PDCD10: variants seen among roughly 807,000 people sequenced by gnomAD.
PDCD10 encodes the protein programmed cell death 10.
In PDCD10, 4 loss-of-function variants were observed where a neutral mutation model predicts 29.2. That is an observed-to-expected ratio of 0.14 (90% CI 0.07 to 0.31). The LOEUF (loss-of-function observed/expected upper bound fraction) is 0.31, where lower values mean the gene tolerates loss of function less well. Ranked by LOEUF, PDCD10 falls within the 10% of genes least tolerant of loss-of-function variation. The probability of loss-of-function intolerance (pLI) is 1.00; values close to 1 mark genes in which losing one functional copy is unlikely to be tolerated. For missense variants in PDCD10, 183 were observed against 257.9 expected (o/e 0.71, Z 1.99); for synonymous variants, 70 against 82.2 (o/e 0.85, Z 0.80).
chr3:167,708,950 ACT>A (rs1188319417), intron 3 of PDCD10, among the ~76,000 whole-genome samples: 2 of 152,048 alleles, frequency 1.3e-5, no homozygotes, highest in Admixed American at 1.3e-4. Flanking sequence ...GAAGTACACC[ACT>A]GTTTATCCCC....
At chr3:167,729,376 C>G (rs1724553328) in intron 2 of PDCD10, among the ~76,000 whole-genome samples, 1 of 152,152 alleles carries the variant, frequency 6.6e-6, no homozygotes, top group Non-Finnish European at 1.5e-5. Context: ...CATAACTGCT[C>G]TGTAACTACA....
chr3:167,700,286 A>T (rs1275186566), intron 4 of PDCD10, among the ~76,000 whole-genome samples: 1 of 152,172 alleles, frequency 6.6e-6, no homozygotes, highest in African/African-American at 2.4e-5. Context: ...ATCCCAGTAC[A>T]AAGTAATACC....
chr3:167,696,596 C>T (rs1720835931), intron 5 of PDCD10, among the ~76,000 whole-genome samples: 1 of 152,106 alleles, frequency 6.6e-6, no homozygotes, highest in Non-Finnish European at 1.5e-5. Flanking sequence ...ATATTATTCT[C>T]TTAAATCTGT....
chr3:167,718,966 T>C (rs1283783172), intron 3 of PDCD10, among the ~76,000 whole-genome samples: 1 of 152,066 alleles, frequency 6.6e-6, no homozygotes, highest in African/African-American at 2.4e-5. Context: ...ACTTGAGAGA[T>C]AGTGTTTGAA....
At chr3:167,692,454 G>A (rs775931031) in intron 6 of PDCD10, among the ~76,000 whole-genome samples, 5 of 152,084 alleles carry the variant, frequency 3.3e-5, no homozygotes, top group Admixed American at 6.6e-5. Flanking sequence ...GTCATGTCAC[G>A]GTGCTCAAAA....
At chr3:167,714,050 C>A (rs894141011) in intron 3 of PDCD10, among the ~76,000 whole-genome samples, 6 of 151,976 alleles carry the variant, frequency 3.9e-5, no homozygotes, top group African/African-American at 1.4e-4. Flanking sequence ...ACTCATTTTA[C>A]AAAGCCAGTA....
intron 4 of PDCD10, among the ~76,000 whole-genome samples, chr3:167,701,469 C>T (rs1251369136): frequency 6.6e-6 from 1 of 152,216 alleles, no homozygotes; most frequent in Non-Finnish European, 1.5e-5. Context: ...GCTAGGATTA[C>T]AAGGCATGGG....
chr3:167,722,678 T>C (rs527274604), intron 2 of PDCD10, among the ~76,000 whole-genome samples: 1 of 152,240 alleles, frequency 6.6e-6, no homozygotes, highest in South Asian at 2.1e-4. Flanking sequence ...ATGAGAAAAG[T>C]AAGCACAATG....
chr3:167,710,898 C>G (rs1722457984), intron 3 of PDCD10, among the ~76,000 whole-genome samples: 2 of 152,170 alleles, frequency 1.3e-5, no homozygotes, highest in African/African-American at 4.8e-5. Flanking sequence ...GGAAAGAGAA[C>G]AAGACCCTCT....
At chr3:167,698,580 G>A (rs1018581456) in intron 4 of PDCD10, among the ~76,000 whole-genome samples, 1 of 152,044 alleles carries the variant, frequency 6.6e-6, no homozygotes, top group South Asian at 2.1e-4. Context: ...TAAAAAAGGA[G>A]TTTCCTTTAT....
intron 4 of PDCD10, among the ~76,000 whole-genome samples, chr3:167,700,414 G>C (rs1721277008): frequency 6.6e-6 from 1 of 151,684 alleles, no homozygotes; most frequent in South Asian, 2.1e-4. Context: ...AAGAAGCAAA[G>C]TCATGACATT....
At chr3:167,718,901 T>A (rs1404474968) in intron 3 of PDCD10, among the ~76,000 whole-genome samples, 2 of 152,002 alleles carry the variant, frequency 1.3e-5, no homozygotes, top group East Asian at 1.9e-4. Flanking sequence ...GAGAAATAAA[T>A]TTTTATCCAA....
In PDCD10 at chr3:167,684,387, G is replaced by A. The variant is rs772305963; in HGVS notation, c.560C>T (p.Ala187Val). The change falls in exon 9 of 9, where the codon GCA becomes GTA. Residue 187 changes from alanine to valine, a missense_variant and splice_region_variant. Coordinates refer to ENST00000392750, the MANE Select transcript of PDCD10 (RefSeq NM_007217.4). ...GTTGGCACTTACGAACACATTTATT[G>A]CCCTGTTTAAAAAGAAAAGAATAAG... ...TLKTYFKDGK[A>V]INVFVSANRL... The A allele has an allele frequency of 1.3e-6, 2 of 1,581,380 alleles. No individual in the cohort carries two copies. The highest frequency in any genetic ancestry group is 1.1e-5 in the South Asian group (1 of 90,428).
chr3:167,720,584 T>C (rs573955626), intron 2 of PDCD10, among the ~76,000 whole-genome samples: 1 of 152,010 alleles, frequency 6.6e-6, no homozygotes, highest in Non-Finnish European at 1.5e-5. Flanking sequence ...TGCCACCATA[T>C]ACAATCTAAG....
chr3:167,684,260 C>T lies in PDCD10; in HGVS notation c.*48G>A. 2 of 979,036 alleles carry T rather than the reference C, an allele frequency of 2.0e-6. No individual in the cohort carries two copies. Among genetic ancestry groups the T allele is most frequent in the Non-Finnish European group, 3.3e-6 (2 of 601,620 alleles). 60.6% of individuals were successfully genotyped at this position (979,036 alleles called of 1,614,324 possible). A position where few individuals can be genotyped will look rare whatever the true frequency, so the allele number is the denominator to read the frequency against. ...AAACTTTAAAATTTACAGATAAAGG[C>T]AGTTCAATACTGCCACTGAGAAGTA... On this transcript the variant is annotated 3_prime_UTR_variant, in exon 9 of 9. Coordinates refer to ENST00000392750, the MANE Select transcript of PDCD10 (RefSeq NM_007217.4).
intron 2 of PDCD10, among the ~76,000 whole-genome samples, chr3:167,721,193 T>G (rs1234423402): frequency 6.6e-6 from 1 of 152,184 alleles, no homozygotes; most frequent in African/African-American, 2.4e-5. Flanking sequence ...AGCATTTTCA[T>G]AGTATAAAAC....
At chr3:167,686,979 G>A (rs1446696962) in intron 8 of PDCD10, among the ~76,000 whole-genome samples, 2 of 152,114 alleles carry the variant, frequency 1.3e-5, no homozygotes, top group South Asian at 2.1e-4. Flanking sequence ...GGTGGATAAC[G>A]GCAACAGGCC....
chr3:167,685,413 A>G (rs1378864732), intron 8 of PDCD10, among the ~76,000 whole-genome samples: 8 of 151,380 alleles, frequency 5.3e-5, no homozygotes, highest in Non-Finnish European at 5.9e-5. Flanking sequence ...AAAAAAAAAA[A>G]AAAAAAAGAG....
chr3:167,708,470 C>T (rs190373524), intron 3 of PDCD10, among the ~76,000 whole-genome samples: 4 of 152,274 alleles, frequency 2.6e-5, no homozygotes, highest in South Asian at 4.1e-4. Flanking sequence ...TCCATGTTCA[C>T]GCCCCTCTCC....
Sources: gnomAD v4.1 joint callset for allele counts (sites outside exome capture counted in the v4.1 genomes callset) on GRCh38, gnomAD v4.1.1 for gene constraint, MANE v1.5 for transcripts, NCBI Gene and HGNC (gene_info 2026-07-23, HGNC 2026-07-21) for gene names.